The following CTTNBP2 variants were observed in gnomAD, a reference collection of about 807,000 sequenced individuals.
CTTNBP2 encodes cortactin binding protein 2, also known as cortactin-binding protein 2.
A neutral mutation model predicts 156.9 loss-of-function variants in CTTNBP2; 108 were observed. The ratio of observed to expected loss-of-function variants is 0.69; its 90% CI spans 0.59 to 0.81. The LOEUF is 0.81. CTTNBP2 is among the 30% of genes least tolerant of loss of function. The pLI, the probability that CTTNBP2 is intolerant of heterozygous loss-of-function variation, is 0.00. For missense variants in CTTNBP2, 1,924 were observed against 2,035.4 expected, an observed-to-expected ratio of 0.95 and a Z score of 1.05; for synonymous variants, 767 against 751.8, an observed-to-expected ratio of 1.02 and a Z score of -0.33.
chr7:117,759,995 T>C (rs1457623080), intron 10 of CTTNBP2, among the ~76,000 whole-genome samples: 1 of 152,226 alleles, frequency 6.6e-6, no homozygotes. Context: ...TGAATATATC[T>C]TTATTAAAGT....
At position 117,742,215 on chromosome 7, in the gene CTTNBP2, C is replaced by T. The variant is rs189972940; in HGVS notation, c.3535+3616G>A. Reference sequence around the variant, plus strand: ...ATTTTAATCACTAGTCTATAACAGACTACTCTGCATCACACCGGCCATGTG... The same window carrying T: ...ATTTTAATCACTAGTCTATAACAGATTACTCTGCATCACACCGGCCATGTG... On this transcript the variant is annotated intron_variant, in intron 14 of 22. Transcript: ENST00000160373. 2.0e-5 allele frequency among the ~76,000 whole-genome samples: 3 copies of T among 152,314 alleles called. No individual in the cohort carries two copies. The East Asian group carries it at 5.8e-4, about 29-fold the overall frequency.
chr7:117,821,587 G>GA (rs1800969645), intron 2 of CTTNBP2, among the ~76,000 whole-genome samples: 3 of 148,056 alleles, frequency 2.0e-5, no homozygotes, highest in South Asian at 2.1e-4. Context: ...TTCTGTTTAG[G>GA]ATTTTTTTTT....
chr7:117,717,904 G>T, intron 22 of CTTNBP2, 114 bp downstream of exon 22: 1 of 685,864 alleles, frequency 1.5e-6, no homozygotes, highest in East Asian at 2.7e-5. Context: ...CTATTTCTCA[G>T]TTCTTAGCTT....
chr7:117,736,573 C>T (rs1048028359), intron 14 of CTTNBP2, among the ~76,000 whole-genome samples: 19 of 152,132 alleles, frequency 1.2e-4, no homozygotes, highest in African/African-American at 4.3e-4. Flanking sequence ...CCAGCACTTC[C>T]GACTCATATT....
At position 117,848,595 on chromosome 7, in the gene CTTNBP2, T is replaced by C. The variant is rs980804926; in HGVS notation, c.189+12614A>G. On this transcript the variant is annotated intron_variant, in intron 2 of 22. Coordinates refer to ENST00000160373, the MANE Select transcript of CTTNBP2 (RefSeq NM_033427.3). ...ATTGCTACAGCTTTTTTCTACCTTATAAACAACAACACATCATGTGTAACT... is the reference window on the plus strand; with the variant it reads ...ATTGCTACAGCTTTTTTCTACCTTACAAACAACAACACATCATGTGTAACT... Among the ~76,000 whole-genome samples, 5 of 152,214 alleles carry C rather than the reference T, an allele frequency of 3.3e-5. 1 individual carries two copies. The highest frequency in any genetic ancestry group is 2.0e-4 in the Admixed American group (3 of 15,284).
intron 1 of CTTNBP2, among the ~76,000 whole-genome samples, chr7:117,870,693 A>G (rs1272634336): frequency 6.6e-6 from 1 of 152,246 alleles, no homozygotes; most frequent in African/African-American, 2.4e-5. Flanking sequence ...ATACTGCCTT[A>G]TCCATTAGGA....
chr7:117,812,310 T>TA (rs950662088), intron 2 of CTTNBP2, among the ~76,000 whole-genome samples: 16 of 152,026 alleles, frequency 1.1e-4, no homozygotes, highest in African/African-American at 3.6e-4. Flanking sequence ...TCACTGCCAG[T>TA]AAAAAAATTA....
intron 18 of CTTNBP2, 71 bp downstream of exon 18, chr7:117,724,981 C>T: frequency 7.0e-7 from 1 of 1,423,936 alleles, no homozygotes; most frequent in Non-Finnish European, 9.8e-7. Flanking sequence ...AGAAAGCTCT[C>T]TAAAAACAGC....
intron 2 of CTTNBP2, among the ~76,000 whole-genome samples, chr7:117,819,402 C>A (rs1227222638): frequency 6.6e-6 from 1 of 151,460 alleles, no homozygotes; most frequent in Non-Finnish European, 1.5e-5. Context: ...CACACACACA[C>A]ACACACACAC....
chr7:117,736,676 T>C (rs996581321), intron 14 of CTTNBP2, among the ~76,000 whole-genome samples: 2 of 152,106 alleles, frequency 1.3e-5, no homozygotes, highest in African/African-American at 4.8e-5. Flanking sequence ...ATATTATATA[T>C]AGGAAATGAA....
Position 117,791,300 on chromosome 7 carries a change from GGCC to G in CTTNBP2, c.1893_1895del (p.Ala632del), listed in dbSNP as rs1310079923. ...CAGGCCAGGCACCCACCTGAGACGT[GGCC>G]AGGGCTGAAACGGCACAGCCTGCAG... On this transcript the variant is annotated inframe_deletion, in exon 4 of 23. Coordinates refer to ENST00000160373, the MANE Select transcript of CTTNBP2 (RefSeq NM_033427.3). The G allele has an allele frequency of 6.2e-7, 1 of 1,614,164 alleles. No individual in the cohort carries two copies. Among genetic ancestry groups the G allele is most frequent in the South Asian group, 1.1e-5 (1 of 91,074 alleles).
intron 19 of CTTNBP2, among the ~76,000 whole-genome samples, chr7:117,722,769 C>G (rs952820365): frequency 5.9e-5 from 9 of 152,158 alleles, no homozygotes; most frequent in Non-Finnish European, 1.0e-4. Context: ...CAATGGGTGT[C>G]CAGTTATCTG....
chr7:117,770,169 T>C (rs990733155), intron 8 of CTTNBP2, among the ~76,000 whole-genome samples: 1 of 152,198 alleles, frequency 6.6e-6, no homozygotes. Flanking sequence ...CTCAAGACAA[T>C]TTAAGTGTTA....
chr7:117,788,723 C>T (rs1428645453), intron 4 of CTTNBP2, among the ~76,000 whole-genome samples: 1 of 152,154 alleles, frequency 6.6e-6, no homozygotes, highest in Non-Finnish European at 1.5e-5. Context: ...TCGTACACCC[C>T]CATTGTGTAA....
rs574296652 is a variant in CTTNBP2 at position 117,770,244 on chromosome 7, A to G, written c.2779-3068T>C. Reference sequence around the variant, plus strand: ...ACAAGTTTGCAATACTCCTGAACTGAGAGTCTTTTATTTCTGGCCGTCAAA... The same window carrying G: ...ACAAGTTTGCAATACTCCTGAACTGGGAGTCTTTTATTTCTGGCCGTCAAA... On this transcript the variant is annotated intron_variant, in intron 8 of 22. Coordinates refer to ENST00000160373, the MANE Select transcript of CTTNBP2 (RefSeq NM_033427.3). Among the ~76,000 whole-genome samples the G allele has an allele frequency of 4.6e-5, 7 of 152,298 alleles. No individual in the cohort carries two copies. In the South Asian group the frequency reaches 1.5e-3, roughly 32 times the overall value.
In CTTNBP2 at chr7:117,735,116, A is replaced by C; in HGVS notation, c.3689-16T>G. On this transcript the variant is annotated splice_polypyrimidine_tract_variant and intron_variant, in intron 15 of 22. Transcript: ENST00000160373. ...AGTCCATTTCCTGAAACAAACCAAA[A>C]AGCAATGGCCCATCCTCAGTGAGTT... is the stretch of plus-strand genomic sequence containing the variant. The C allele has an allele frequency of 1.2e-6, 2 of 1,607,724 alleles. No homozygotes were observed. The highest frequency in any genetic ancestry group is 1.7e-4 in the Middle Eastern group (1 of 6,020).
intron 7 of CTTNBP2, among the ~76,000 whole-genome samples, chr7:117,777,997 T>C (rs1798200427): frequency 6.6e-6 from 1 of 152,196 alleles, no homozygotes; most frequent in Non-Finnish European, 1.5e-5. Flanking sequence ...TAATCATTTC[T>C]ACCTACCAGT....
intron 22 of CTTNBP2, chr7:117,713,703 G>A (rs1344667065): frequency 1.3e-5 from 2 of 152,124 alleles, no homozygotes; most frequent in African/African-American, 4.8e-5. Context: ...CCCTGTTAAA[G>A]TCCTAATTCT....
At chr7:117,862,074 C>T (rs1453555712) in intron 1 of CTTNBP2, among the ~76,000 whole-genome samples, 2 of 152,048 alleles carry the variant, frequency 1.3e-5, no homozygotes, top group Non-Finnish European at 1.5e-5. Context: ...CACACACACA[C>T]ATACACAGTA....
Sources: gnomAD v4.1 joint callset for allele counts (sites outside exome capture counted in the v4.1 genomes callset) on GRCh38, gnomAD v4.1.1 for gene constraint, MANE v1.5 for transcripts, NCBI Gene and HGNC (gene_info 2026-07-23, HGNC 2026-07-21) for gene names.